Variants in CFAP298 observed in about 807,000 individuals in gnomAD.
CFAP298 encodes cilia- and flagella-associated protein 298.
A neutral mutation model predicts 41.0 loss-of-function variants in CFAP298; 38 were observed. That is an observed-to-expected ratio of 0.93 (90% CI 0.72 to 1.22). The LOEUF is 1.22. CFAP298 is among the 50% of genes most tolerant of loss of function. The probability of loss-of-function intolerance (pLI) is 0.00; values close to 1 mark genes in which losing one functional copy is unlikely to be tolerated. For synonymous variants in CFAP298, 137 were observed against 135.3 expected (o/e 1.01, Z -0.09); for missense variants, 348 against 360.3 (o/e 0.97, Z 0.28).
intron 1 of CFAP298, among the ~76,000 whole-genome samples, chr21:32,611,668 T>A (rs946086320): frequency 6.6e-6 from 1 of 152,154 alleles, no homozygotes; most frequent in East Asian, 1.9e-4. Context: ...CTTCCTCAAC[T>A]GTAAGGGGCC....
At chr21:32,606,524 C>G (rs2038869889) in intron 3 of CFAP298, among the ~76,000 whole-genome samples, 1 of 152,140 alleles carries the variant, frequency 6.6e-6, no homozygotes, top group African/African-American at 2.4e-5. Flanking sequence ...TGCTCACATG[C>G]CTAGATGCCA....
At chr21:32,609,602 T>C (rs1257234221) in intron 2 of CFAP298, among the ~76,000 whole-genome samples, 1 of 152,114 alleles carries the variant, frequency 6.6e-6, no homozygotes, top group African/African-American at 2.4e-5. Context: ...CCGTCTCTAC[T>C]AAAAATACAA....
rs771346925 is a variant in CFAP298, at chr21:32,600,001, A to G, written c.*1862T>C. ...GTATTCCTACTGCAGGCTCAGTAAG[A>G]CTTTCTAATGATATTGAAGTAGTAG... On this transcript the variant is annotated 3_prime_UTR_variant, in exon 7 of 7. Transcript: ENST00000290155. Among the ~76,000 whole-genome samples the G allele has an allele frequency of 6.6e-5, 10 of 152,198 alleles. No homozygotes were observed. The highest frequency in any genetic ancestry group is 6.5e-5 in the Admixed American group (1 of 15,278).
At chr21:32,604,573 G>C (rs2038825836) in intron 3 of CFAP298, 2 of 360,484 alleles carry the variant, frequency 5.5e-6, no homozygotes, top group Non-Finnish European at 1.0e-5. Context: ...GTGAGGATCG[G>C]GAGATACGGC....
intron 1 of CFAP298, among the ~76,000 whole-genome samples, chr21:32,611,379 A>C (rs2038995657): frequency 7.0e-6 from 1 of 143,338 alleles, no homozygotes; most frequent in Non-Finnish European, 1.5e-5. Context: ...TAATTTATTT[A>C]TATTCATATA....
rs749780807 is a variant in CFAP298 at position 32,602,181 on chromosome 21, C to T, written c.762+91G>A. On this transcript the variant is annotated intron_variant, in intron 6 of 6. Transcript: ENST00000290155. ...AGAAAGACCCCTCCCCGGCATTCTG[C>T]AGAGCTCACTGCTCCCCAGCAGCCC... The T allele has an allele frequency of 3.9e-6, 5 of 1,287,202 alleles. No individual in the cohort carries two copies. In the African/African-American group the frequency reaches 5.8e-5, roughly 15 times the overall value. 79.7% of individuals were successfully genotyped at this position (1,287,202 alleles called of 1,614,324 possible).
chr21:32,611,258 C>A (rs1181025464), intron 1 of CFAP298, among the ~76,000 whole-genome samples: 2 of 147,608 alleles, frequency 1.4e-5, no homozygotes, highest in Non-Finnish European at 3.0e-5. Context: ...GAGCAGAGAT[C>A]GCGCCACTGC....
At chr21:32,602,003 G>T in intron 6 of CFAP298, 30 bp from the exon 7 acceptor site, 1 of 1,365,798 alleles carries the variant, frequency 7.3e-7, no homozygotes, top group Non-Finnish European at 1.0e-6. Flanking sequence ...ATTCAGGCAG[G>T]CATTTCAGGA....
rs1025589789 is a variant in CFAP298 at position 32,603,437 on chromosome 21, C to T, written c.535-145G>A. 3 of 769,750 alleles carry T rather than the reference C, an allele frequency of 3.9e-6. No individual in the cohort carries two copies. The African/African-American group carries it at 5.3e-5, about 13-fold the overall frequency. The allele number at this position is 769,750 out of a possible 1,614,324, so 47.7% of individuals were successfully genotyped here. A position where few individuals can be genotyped will look rare whatever the true frequency, so the allele number is the denominator to read the frequency against. ...CTGACTCCCGCACCTCACTCTAAGT[C>T]CTTGCTGACTTTAGTACCTTCCCTG... On this transcript the variant is annotated intron_variant, in intron 4 of 6. Transcript: ENST00000290155.
intron 3 of CFAP298, chr21:32,604,612 C>T (rs896261148): frequency 7.1e-6 from 2 of 283,654 alleles, no homozygotes; most frequent in East Asian, 8.3e-5. Context: ...AGGTGGGCCT[C>T]GAAATGCAGA....
chr21:32,600,579 C>A lies in CFAP298; in HGVS notation c.*1284G>T, dbSNP rs554753118. ...ACCAAAAGTCAAGCATGAGGGACTG[C>A]CACAGGCAGTCTGGCAGGTGTCTTT... On this transcript the variant is annotated 3_prime_UTR_variant, in exon 7 of 7. Coordinates refer to ENST00000290155, the MANE Select transcript of CFAP298 (RefSeq NM_021254.4). 1.2e-4 allele frequency among the ~76,000 whole-genome samples: 16 copies of A among 128,936 alleles called. No individual in the cohort carries two copies. The highest frequency in any genetic ancestry group is 4.8e-4 in the African/African-American group (15 of 31,344). 84.6% of individuals were successfully genotyped at this position (128,936 alleles called of 152,430 possible). A position where few individuals can be genotyped will look rare whatever the true frequency, so the allele number is the denominator to read the frequency against.
intron 1 of CFAP298, among the ~76,000 whole-genome samples, chr21:32,610,903 A>AATAT (rs2038975972): frequency 6.6e-6 from 1 of 152,190 alleles, no homozygotes; most frequent in African/African-American, 2.4e-5. Flanking sequence ...ATAGTTATAT[A>AATAT]AACAGTAATA....
intron 2 of CFAP298, 139 bp downstream of exon 2, chr21:32,609,699 A>T: frequency 1.5e-6 from 1 of 681,926 alleles, no homozygotes; most frequent in Non-Finnish European, 2.4e-6. Context: ...TGGAAGACAG[A>T]GGTGGCAGTG....
In CFAP298 at chr21:32,609,777, G is replaced by A. The variant is rs1362128393; in HGVS notation, c.307+61C>T. 7 of 1,430,932 alleles carry A rather than the reference G, an allele frequency of 4.9e-6. No individual in the cohort carries two copies. In the African/African-American group the frequency reaches 8.7e-5, roughly 18 times the overall value. The allele number at this position is 1,430,932 out of a possible 1,614,324, so 88.6% of individuals were successfully genotyped here. On this transcript the variant is annotated intron_variant, in intron 2 of 6. Coordinates refer to ENST00000290155, the MANE Select transcript of CFAP298 (RefSeq NM_021254.4). ...GAATCCGTCTCAAAAAAAAAAAAAGGAACTGTTTTCATACTTATGCCTGTA... is the reference window on the plus strand; with the variant it reads ...GAATCCGTCTCAAAAAAAAAAAAAGAAACTGTTTTCATACTTATGCCTGTA...
Position 32,612,013 on chromosome 21 carries a change from C to G in CFAP298, c.139+92G>C, listed in dbSNP as rs921861706. 2.9e-6 allele frequency: 4 copies of G among 1,383,784 alleles called. No individual in the cohort carries two copies. The Admixed American group carries it at 1.2e-4, about 41-fold the overall frequency. 85.7% of individuals were successfully genotyped at this position (1,383,784 alleles called of 1,614,324 possible). On this transcript the variant is annotated intron_variant, in intron 1 of 6. Transcript: ENST00000290155. ...CTGCAAATCTCTTCAATAATCTTCACAAACCTGACCCCTCGGCCCACCCTG... is the reference window on the plus strand; with the variant it reads ...CTGCAAATCTCTTCAATAATCTTCAGAAACCTGACCCCTCGGCCCACCCTG...
Position 32,602,680 on chromosome 21 carries a change from A to T in CFAP298, c.667-313T>A, listed in dbSNP as rs113859676. On this transcript the variant is annotated intron_variant, in intron 5 of 6. Transcript: ENST00000290155. The stretch of plus-strand genomic sequence containing the variant: ...GAGCCACGGACTCTGGATCTACATA[A>T]GGTGGAGGGCCCCATTTCCCCAAAA... The T allele has an allele frequency of 4.6e-4, 582 of 1,255,652 alleles. 5 individuals are homozygous for T. The African/African-American group carries it at 7.7e-3, about 17-fold the overall frequency. The allele number at this position is 1,255,652 out of a possible 1,614,324, so 77.8% of individuals were successfully genotyped here.
intron 4 of CFAP298, among the ~76,000 whole-genome samples, chr21:32,603,594 T>C (rs908832134): frequency 1.4e-4 from 22 of 152,236 alleles, no homozygotes; most frequent in African/African-American, 5.1e-4. Context: ...GGAAGGGCAC[T>C]GGCATCGTGC....
intron 6 of CFAP298, 39 bp from the exon 7 acceptor site, chr21:32,602,012 GA>G: frequency 7.6e-7 from 1 of 1,309,176 alleles, no homozygotes; most frequent in Non-Finnish European, 1.1e-6. Context: ...GGCATTTCAG[GA>G]AAGTGTTTTG....
intron 5 of CFAP298, 49 bp from the exon 6 acceptor site, chr21:32,602,416 T>A (rs1284574266): frequency 6.3e-7 from 1 of 1,582,278 alleles, no homozygotes; most frequent in Non-Finnish European, 8.6e-7. Context: ...GTTCTTAGAG[T>A]GACAATCCTG....
Sources: gnomAD v4.1 joint callset for allele counts (sites outside exome capture counted in the v4.1 genomes callset) on GRCh38, gnomAD v4.1.1 for gene constraint, MANE v1.5 for transcripts, NCBI Gene and HGNC (gene_info 2026-07-23, HGNC 2026-07-21) for gene names.